The following CFAP54 variants were observed in gnomAD, a reference collection of about 807,000 sequenced individuals.
The protein encoded by CFAP54 is cilia- and flagella-associated protein 54.
Under a neutral mutation model 370.4 loss-of-function variants are expected in CFAP54, and 290 were observed. That is an observed-to-expected ratio of 0.78 (90% CI 0.71 to 0.86). CFAP54 has a LOEUF of 0.86. Ranked by LOEUF, CFAP54 falls within the 40% of genes least tolerant of loss-of-function variation. CFAP54 has a pLI of 0.00. For missense variants in CFAP54, 3,399 were observed against 3,528.7 expected (o/e 0.96, Z 0.93); for synonymous variants, 1,206 against 1,236.5 (o/e 0.98, Z 0.52).
In CFAP54 at chr12:96,626,836, A is replaced by G; in HGVS notation, c.4000A>G (p.Arg1334Gly). 1 of 1,400,414 alleles carries G rather than the reference A, an allele frequency of 7.1e-7. No individual in the cohort carries two copies. Among genetic ancestry groups the G allele is most frequent in the South Asian group, 1.6e-5 (1 of 64,338 alleles). 86.7% of individuals were successfully genotyped at this position (1,400,414 alleles called of 1,614,324 possible). The change falls in exon 30 of 68, where the codon AGA becomes GGA. Residue 1334 changes from arginine (R) to glycine (G), a missense_variant. By Grantham distance (125) the Arg-to-Gly change is moderately radical (BLOSUM62 -2). Around this residue, in one of 3 missense-constraint regions of CFAP54, gnomAD observed 2,796 missense variants for 2,869.7 expected, o/e 0.97. Transcript: ENST00000524981. ...KEVMKFKQKP[R>G]FLEFFTQVML... ...AGTTATGAAATTTAAGCAAAAACCA[A>G]GATTTCTGGAATTCTTTACACAAGT...
intron 26 of CFAP54, among the ~76,000 whole-genome samples, chr12:96,602,373 CA>C (rs1200390225): frequency 2.0e-5 from 3 of 152,046 alleles, no homozygotes; most frequent in Non-Finnish European, 4.4e-5. Context: ...GTTTTACCTC[CA>C]ATTATGTGGT....
In CFAP54 at chr12:96,743,385, G is replaced by A. The variant is rs375587317; in HGVS notation, c.7220-17G>A. 2.1e-5 allele frequency: 34 copies of A among 1,608,778 alleles called. No individual in the cohort carries two copies. The highest frequency in any genetic ancestry group is 1.7e-4 in the Middle Eastern group (1 of 6,042). On this transcript the variant is annotated splice_polypyrimidine_tract_variant and intron_variant, in intron 52 of 67. Transcript: ENST00000524981. ...CTTTCTCAATGCATTTTAAATAACCGCATTTGTTTATTTTAGAGGATGATA... is the reference window on the plus strand; with the variant it reads ...CTTTCTCAATGCATTTTAAATAACCACATTTGTTTATTTTAGAGGATGATA...
At chr12:96,771,410 T>C (rs1281405224) in intron 60 of CFAP54, among the ~76,000 whole-genome samples, 4 of 152,188 alleles carry the variant, frequency 2.6e-5, no homozygotes, top group Admixed American at 2.6e-4. Flanking sequence ...CCCAGCACTT[T>C]GGGAGGCCAA....
intron 51 of CFAP54, 107 bp from the exon 52 acceptor site, chr12:96,742,332 C>A: frequency 1.4e-6 from 1 of 713,510 alleles, no homozygotes; most frequent in Non-Finnish European, 2.3e-6. Context: ...AATTGTAATA[C>A]TGTGGAATGA....
At chr12:96,683,120 A>G (rs1957289916) in intron 40 of CFAP54, among the ~76,000 whole-genome samples, 2 of 152,214 alleles carry the variant, frequency 1.3e-5, no homozygotes, top group Non-Finnish European at 1.5e-5. Context: ...CTTCTTATAC[A>G]CATTATTTTG....
chr12:96,616,866 A>G (rs1025120429), intron 26 of CFAP54, among the ~76,000 whole-genome samples: 1 of 152,192 alleles, frequency 6.6e-6, no homozygotes, highest in Non-Finnish European at 1.5e-5. Flanking sequence ...GGAGATTTGT[A>G]TTTTAGAAAA....
In CFAP54 at chr12:96,740,072, C is replaced by T. The variant is rs376686298; in HGVS notation, c.7071+11C>T. 3.6e-6 allele frequency: 5 copies of T among 1,381,470 alleles called. No homozygotes were observed. Among genetic ancestry groups the T allele is most frequent in the Admixed American group, 3.5e-5 (2 of 57,118 alleles). The allele number at this position is 1,381,470 out of a possible 1,614,324, so 85.6% of individuals were successfully genotyped here. A position where few individuals can be genotyped will look rare whatever the true frequency, so the allele number is the denominator to read the frequency against. On this transcript the variant is annotated intron_variant, in intron 51 of 67. Transcript: ENST00000524981. ...TCTCCAGGAACTTCTGTAAGTATGACTTAATGTCTGTTCTTACAATACTTA... is the reference window on the plus strand; with the variant it reads ...TCTCCAGGAACTTCTGTAAGTATGATTTAATGTCTGTTCTTACAATACTTA...
Position 96,792,461 on chromosome 12 carries a change from C to T in CFAP54, c.8812C>T (p.Pro2938Ser), listed in dbSNP as rs1316750021. The T allele has an allele frequency of 2.0e-6, 3 of 1,535,728 alleles. No individual in the cohort carries two copies. Among genetic ancestry groups the T allele is most frequent in the African/African-American group, 2.7e-5 (2 of 73,030 alleles). Residue 2938 changes from proline to serine, a missense_variant, in exon 63 of 68, where the codon CCT becomes TCT. Pro to Ser is a moderately conservative substitution (Grantham distance 74). Transcript: ENST00000524981. The stretch of plus-strand genomic sequence containing the variant: ...AGAACTTTGCTTTCAATGGTACATT[C>T]CTCCCCTGGATAGACCTCCCAAGGA... ...NKELCFQWYIPPLDRPPKETE... is the reference protein window; with the variant it reads ...NKELCFQWYISPLDRPPKETE...
chr12:96,580,056 AT>A (rs1956016846), intron 20 of CFAP54, among the ~76,000 whole-genome samples: 1 of 151,504 alleles, frequency 6.6e-6, no homozygotes, highest in Admixed American at 6.6e-5. Flanking sequence ...TTTCATATGT[AT>A]TTTTATATTT....
intron 38 of CFAP54, among the ~76,000 whole-genome samples, chr12:96,662,874 A>G (rs1279931386): frequency 6.6e-6 from 1 of 152,016 alleles, no homozygotes; most frequent in South Asian, 2.1e-4. Flanking sequence ...ACACTATCAT[A>G]TTTACAACTA....
rs1263160982 is a variant in CFAP54 at position 96,651,736 on chromosome 12, C to A, written c.5021C>A (p.Thr1674Asn). 6.2e-7 allele frequency: 1 copy of A among 1,613,740 alleles called. No homozygotes were observed. Among genetic ancestry groups the A allele is most frequent in the Non-Finnish European group, 8.5e-7 (1 of 1,179,690 alleles). Reference protein sequence around the residue: ...FPISQDGFLCTSVLPFYLGAE... With the variant: ...FPISQDGFLCNSVLPFYLGAE... ...ATTAGCCAAGATGGTTTCCTCTGCA[C>A]CTCTGTTTTACCATTCTATTTGGGA... The change falls in exon 36 of 68, where the codon ACC becomes AAC. Residue 1674 changes from threonine (T) to asparagine (N), a missense_variant. Thr to Asn is a moderately conservative substitution (Grantham distance 65). Coordinates refer to ENST00000524981, the MANE Select transcript of CFAP54 (RefSeq NM_001306084.2).
intron 50 of CFAP54, among the ~76,000 whole-genome samples, chr12:96,738,839 T>G (rs908298866): frequency 2.0e-5 from 3 of 152,154 alleles, no homozygotes; most frequent in Admixed American, 6.5e-5. Flanking sequence ...CTTGATCTTC[T>G]GACTTCGTGA....
At position 96,536,460 on chromosome 12, in the gene CFAP54, T is replaced by C. The variant is rs1217317951; in HGVS notation, c.1791+860T>C. Among the ~76,000 whole-genome samples, 3 of 152,126 alleles carry C rather than the reference T, an allele frequency of 2.0e-5. No individual in the cohort carries two copies. In the East Asian group the frequency reaches 5.8e-4, roughly 29 times the overall value. On this transcript the variant is annotated intron_variant, in intron 12 of 67. Transcript: ENST00000524981. ...TATAATATTTTTCATTTCTTCTGGG[T>C]TTGTCAGAATAAGTTATAACCTGTG...
rs767732801 is a variant in CFAP54 at position 96,743,805 on chromosome 12, T to G, written c.7452T>G (p.Val2484=). 1.9e-6 allele frequency: 3 copies of G among 1,613,920 alleles called. No individual in the cohort carries two copies. In the South Asian group the frequency reaches 3.3e-5, roughly 18 times the overall value. Residue 2484 remains valine (V), a synonymous_variant, in exon 54 of 68, where the codon GTT becomes GTG. Transcript: ENST00000524981. Reference sequence around the variant, plus strand: ...GGCTAACCCTGGCAAGAAGCCTAGTTTTGCTGGATGACTTAACCAAAGCTG... The same window carrying G: ...GGCTAACCCTGGCAAGAAGCCTAGTGTTGCTGGATGACTTAACCAAAGCTG... ...QSRLTLARSL[V]LLDDLTKAEK... is the part of the protein sequence containing the mutation.
intron 26 of CFAP54, among the ~76,000 whole-genome samples, chr12:96,606,679 G>A (rs1199029424): frequency 1.3e-5 from 2 of 152,140 alleles, no homozygotes; most frequent in Non-Finnish European, 2.9e-5. Context: ...AGCCTGAGCG[G>A]GCCAGTTGGT....
At chr12:96,716,090 T>C (rs915045877) in intron 48 of CFAP54, among the ~76,000 whole-genome samples, 1 of 152,230 alleles carries the variant, frequency 6.6e-6, no homozygotes, top group East Asian at 1.9e-4. Context: ...TAGATTCTTA[T>C]TAGTTTTCCC....
chr12:96,840,675 G>A (rs1398687740), intron 66 of CFAP54, among the ~76,000 whole-genome samples: 5 of 146,274 alleles, frequency 3.4e-5, no homozygotes, highest in African/African-American at 7.6e-5. Flanking sequence ...AATTTTATGG[G>A]CATCTATAAT....
At chr12:96,740,615 T>G (rs1356976825) in intron 51 of CFAP54, among the ~76,000 whole-genome samples, 1 of 152,254 alleles carries the variant, frequency 6.6e-6, no homozygotes, top group African/African-American at 2.4e-5. Context: ...GAACCCTTGC[T>G]CATTATTTCA....
chr12:96,660,845 C>T (rs891745514), intron 38 of CFAP54, among the ~76,000 whole-genome samples: 8 of 152,108 alleles, frequency 5.3e-5, no homozygotes, highest in Admixed American at 3.3e-4. Flanking sequence ...AATTAGGGTT[C>T]TTATGACCCA....
Sources: gnomAD v4.1 joint callset for allele counts (sites outside exome capture counted in the v4.1 genomes callset) on GRCh38, gnomAD v4.1.1 for gene constraint, gnomAD v4.1.1 regional missense constraint, MANE v1.5 for transcripts, NCBI Gene and HGNC (gene_info 2026-07-23, HGNC 2026-07-21) for gene names.